Variants in PRKAR2A observed in about 807,000 individuals in gnomAD.
PRKAR2A encodes protein kinase cAMP-dependent type II regulatory subunit alpha.
Under a neutral mutation model 51.9 loss-of-function variants are expected in PRKAR2A, and 29 were observed. The ratio of observed to expected loss-of-function variants is 0.56; its 90% CI spans 0.42 to 0.76. The LOEUF (loss-of-function observed/expected upper bound fraction) is 0.76. PRKAR2A is among the 30% of genes least tolerant of loss of function. The pLI, the probability that PRKAR2A is intolerant of heterozygous loss-of-function variation, is 0.00. For synonymous variants in PRKAR2A, 178 were observed against 186.2 expected (o/e 0.96, Z 0.36); for missense variants, 445 against 512.1 (o/e 0.87, Z 1.26).
chr3:48,823,027 T>C (rs1010240836), intron 1 of PRKAR2A, among the ~76,000 whole-genome samples: 1 of 152,098 alleles, frequency 6.6e-6, no homozygotes, highest in Admixed American at 6.6e-5. Context: ...ACGTACTGCA[T>C]ACTGAATTGG....
rs958998302 is a variant in PRKAR2A at position 48,847,809 on chromosome 3, A to AGCCGCC, written c.-219_-214dup. On this transcript the variant is annotated 5_prime_UTR_variant, in exon 1 of 11. Coordinates refer to ENST00000265563, the MANE Select transcript of PRKAR2A (RefSeq NM_004157.4). This position sits in a 1 kb window ranked among gnomAD's most constrained non-coding sequence, Gnocchi z 4.4. ...GGCACCGCCGCCGCTGTCACTGGGC[A>AGCCGCC]GCCGCCGCCGCCGCGGGGACCGACG... 2 of 435,762 alleles carry AGCCGCC rather than the reference A, an allele frequency of 4.6e-6. No homozygotes were observed. Among genetic ancestry groups the AGCCGCC allele is most frequent in the African/African-American group, 2.1e-5 (1 of 48,700 alleles). The allele number at this position is 435,762 out of a possible 1,614,324, so 27.0% of individuals were successfully genotyped here.
intron 3 of PRKAR2A, among the ~76,000 whole-genome samples, chr3:48,793,413 G>GT (rs2082424533): frequency 6.6e-6 from 1 of 152,130 alleles, no homozygotes; most frequent in Admixed American, 6.6e-5. Context: ...TGGCCTGACT[G>GT]TAAGTATTTA....
chr3:48,807,655 C>G lies in PRKAR2A; in HGVS notation c.292G>C (p.Val98Leu). 3.8e-6 allele frequency: 6 copies of G among 1,598,482 alleles called. No individual in the cohort carries two copies. Among genetic ancestry groups the G allele is most frequent in the Non-Finnish European group, 5.1e-6 (6 of 1,166,664 alleles). ...TATGAAATAGAACACATACCTGATACTCGTCTATTAAATCTGCTAGGAACT... is the reference window on the plus strand; with the variant it reads ...TATGAAATAGAACACATACCTGATAGTCGTCTATTAAATCTGCTAGGAACT... ...VPVPSRFNRR[V>L]SVCAETYNPD... is the part of the protein sequence containing the mutation. Residue 98 changes from valine (V) to leucine (L), a missense_variant, in exon 2 of 11, where the codon GTA becomes CTA. By Grantham distance (32) the Val-to-Leu change is conservative. Transcript: ENST00000265563.
At chr3:48,832,473 A>AT (rs926101884) in intron 1 of PRKAR2A, among the ~76,000 whole-genome samples, 2 of 152,102 alleles carry the variant, frequency 1.3e-5, no homozygotes, top group African/African-American at 4.8e-5. Context: ...GAACACGCAC[A>AT]TTTTTTCTTT....
intron 5 of PRKAR2A, among the ~76,000 whole-genome samples, chr3:48,776,074 T>C (rs1234653189): frequency 2.6e-5 from 4 of 152,114 alleles, no homozygotes; most frequent in African/African-American, 9.7e-5. Context: ...ATCATTGCAC[T>C]CCAGCCTGGG....
intron 1 of PRKAR2A, among the ~76,000 whole-genome samples, chr3:48,840,116 C>T (rs1261480482): frequency 1.3e-5 from 2 of 152,186 alleles, no homozygotes; most frequent in Non-Finnish European, 2.9e-5. Context: ...TGGAATCATA[C>T]ATTATTTGTC....
chr3:48,752,224 T>G lies in PRKAR2A; in HGVS notation c.1033A>C (p.Lys345Gln), dbSNP rs1470211366. The G allele has an allele frequency of 6.2e-7, 1 of 1,614,254 alleles. No homozygotes were observed. Among genetic ancestry groups the G allele is most frequent in the African/African-American group, 1.3e-5 (1 of 75,076 alleles). The change falls in exon 10 of 11, where the codon AAA (lysine) becomes CAA (glutamine). Residue 345 changes from lysine (K) to glutamine (Q), a missense_variant. Transcript: ENST00000265563. ...YFGELALVTN[K>Q]PRAASAYAVG... ...GCATAAGCTGAGGCAGCTCTGGGTTTGTTGGTGACCAGGGCAAGCTCTCCA... is the reference window on the plus strand; with the variant it reads ...GCATAAGCTGAGGCAGCTCTGGGTTGGTTGGTGACCAGGGCAAGCTCTCCA...
intron 2 of PRKAR2A, among the ~76,000 whole-genome samples, chr3:48,797,854 C>A (rs1259146863): frequency 6.6e-6 from 1 of 152,156 alleles, no homozygotes; most frequent in East Asian, 1.9e-4. Flanking sequence ...CTATCTTTCT[C>A]CAAGCATTTT....
At chr3:48,841,843 A>G (rs2083385711) in intron 1 of PRKAR2A, among the ~76,000 whole-genome samples, 1 of 152,222 alleles carries the variant, frequency 6.6e-6, no homozygotes, top group South Asian at 2.1e-4. Flanking sequence ...GATTTCTATA[A>G]TTATGTAGCG....
At chr3:48,807,616 T>C (rs2082692810) in intron 2 of PRKAR2A, 33 bp downstream of exon 2, 2 of 1,489,498 alleles carry the variant, frequency 1.3e-6, no homozygotes, top group East Asian at 2.3e-5. Context: ...TAAAATAACA[T>C]TTTAGAAGTA....
At chr3:48,800,695 G>T (rs957094700) in intron 2 of PRKAR2A, among the ~76,000 whole-genome samples, 1 of 151,460 alleles carries the variant, frequency 6.6e-6, no homozygotes, top group Non-Finnish European at 1.5e-5. Context: ...TTTTGAGACG[G>T]AGTCTTGCTC....
intron 1 of PRKAR2A, among the ~76,000 whole-genome samples, chr3:48,814,316 G>T (rs1028035254): frequency 6.6e-6 from 1 of 152,086 alleles, no homozygotes. Flanking sequence ...TACTCAGGAG[G>T]CTGAGGCAAG....
chr3:48,846,018 C>T (rs1057054020), intron 1 of PRKAR2A, among the ~76,000 whole-genome samples: 1 of 151,766 alleles, frequency 6.6e-6, no homozygotes, highest in African/African-American at 2.4e-5. Flanking sequence ...CAACTTGTTT[C>T]CTGCTCGGTC....
chr3:48,754,815 G>A (rs906235735), intron 9 of PRKAR2A, among the ~76,000 whole-genome samples: 5 of 151,182 alleles, frequency 3.3e-5, no homozygotes, highest in African/African-American at 1.2e-4. Flanking sequence ...ACTCAGTAGG[G>A]TGAGGCACGA....
At position 48,752,916 on chromosome 3, in the gene PRKAR2A, C is replaced by CTT. The variant is rs59163654; in HGVS notation, c.940-601_940-600dup. Among the ~76,000 whole-genome samples the CTT allele has an allele frequency of 4.5e-3, 215 of 47,556 alleles. 12 individuals carry two copies. The highest frequency in any genetic ancestry group is 5.9e-3 in the Non-Finnish European group (167 of 28,404). The allele number at this position is 47,556 out of a possible 152,430, so 31.2% of individuals were successfully genotyped here. On this transcript the variant is annotated intron_variant, in intron 9 of 10. Transcript: ENST00000265563. ...ACCTTAAGTTAGTGGTTCCCTCCTCCTTTTTTTTTTTTTTTTTTTTTTTTT... is the reference window on the plus strand; with the variant it reads ...ACCTTAAGTTAGTGGTTCCCTCCTCCTTTTTTTTTTTTTTTTTTTTTTTTTTT...
intron 1 of PRKAR2A, among the ~76,000 whole-genome samples, chr3:48,830,007 G>C (rs915555366): frequency 4.7e-5 from 7 of 149,330 alleles, no homozygotes; most frequent in Non-Finnish European, 1.0e-4. Flanking sequence ...AAACCAGCCT[G>C]GCTAACATGG....
chr3:48,821,698 G>T (rs1365455561), intron 1 of PRKAR2A, among the ~76,000 whole-genome samples: 2 of 134,202 alleles, frequency 1.5e-5, no homozygotes, highest in African/African-American at 5.6e-5. Context: ...CGGGCGGATC[G>T]CGAGGTCAGG....
rs1188888527 is a variant in PRKAR2A at position 48,829,878 on chromosome 3, T to A, written c.262+17457A>T. The stretch of plus-strand genomic sequence containing the variant: ...ATATATATATATATATATATTTTTT[T>A]TTTTTTTTTAAGCTTTTTTGTTAAA... On this transcript the variant is annotated intron_variant, in intron 1 of 10. Coordinates refer to ENST00000265563, the MANE Select transcript of PRKAR2A (RefSeq NM_004157.4). Among the ~76,000 whole-genome samples the A allele has an allele frequency of 9.5e-3, 1,111 of 117,278 alleles. 11 individuals are homozygous for A. Among genetic ancestry groups the A allele is most frequent in the African/African-American group, 0.023 (784 of 34,052 alleles). 76.9% of individuals were successfully genotyped at this position (117,278 alleles called of 152,430 possible).
In PRKAR2A at chr3:48,756,486, T is replaced by C. The variant is rs758288451; in HGVS notation, c.874-42A>G. 4.9e-6 allele frequency: 7 copies of C among 1,438,348 alleles called. No homozygotes were observed. In the East Asian group the frequency reaches 1.6e-4, roughly 33 times the overall value. The allele number at this position is 1,438,348 out of a possible 1,614,324, so 89.1% of individuals were successfully genotyped here. On this transcript the variant is annotated intron_variant, in intron 8 of 10. Transcript: ENST00000265563. ...GTCAGGTCAGAGCCATAAGTAGTAT[T>C]GAAGGGGAATAAAGAAATAGATTGC...
Sources: allele counts gnomAD v4.1 joint callset (sites outside exome capture counted in the v4.1 genomes callset), GRCh38; gene constraint gnomAD v4.1.1; non-coding constraint Gnocchi (gnomAD v3.1); transcripts MANE v1.5; gene names NCBI Gene and HGNC (gene_info 2026-07-23, HGNC 2026-07-21).